The following BRINP2 variants were observed in gnomAD, a reference collection of about 807,000 sequenced individuals.
BRINP2 encodes BMP/retinoic acid inducible neural specific 2.
Under a neutral mutation model 69.2 loss-of-function variants are expected in BRINP2, and 21 were observed. The observed-to-expected ratio is 0.30, with a 90% CI of 0.22 to 0.44. The LOEUF (loss-of-function observed/expected upper bound fraction) is 0.44. BRINP2 is among the 20% of genes least tolerant of loss of function. The probability of loss-of-function intolerance (pLI) is 1.00; values close to 1 mark genes in which losing one functional copy is unlikely to be tolerated. For missense variants in BRINP2, 877 were observed against 986.0 expected, an observed-to-expected ratio of 0.89 and a Z score of 1.48; for synonymous variants, 380 against 394.1, an observed-to-expected ratio of 0.96 and a Z score of 0.42.
chr1:177,256,714 C>T (rs1405489596), intron 3 of BRINP2: 2 of 1,076,526 alleles, frequency 1.9e-6, no homozygotes, highest in African/African-American at 1.6e-5. Context: ...ACTGTCCAAT[C>T]GACTAAAACA....
intron 3 of BRINP2, 129 bp downstream of exon 3, chr1:177,256,238 T>C (rs540245244): frequency 7.0e-7 from 1 of 1,420,086 alleles, no homozygotes; most frequent in Non-Finnish European, 9.3e-7. Flanking sequence ...GTCTTTCTGG[T>C]GCATTTGAAA....
intron 1 of BRINP2, among the ~76,000 whole-genome samples, chr1:177,190,261 G>A (rs142621125): frequency 2.0e-5 from 3 of 152,152 alleles, no homozygotes; most frequent in Admixed American, 1.3e-4. Context: ...TGCTCCTCTT[G>A]TTTCTGAACC....
At chr1:177,193,848 G>C (rs1187268845) in intron 1 of BRINP2, among the ~76,000 whole-genome samples, 1 of 152,172 alleles carries the variant, frequency 6.6e-6, no homozygotes, top group Non-Finnish European at 1.5e-5. Flanking sequence ...GTTAGGAGGA[G>C]ACCCAGCTAT....
At chr1:177,207,070 G>A (rs1450097120) in intron 1 of BRINP2, among the ~76,000 whole-genome samples, 1 of 152,100 alleles carries the variant, frequency 6.6e-6, no homozygotes, top group Non-Finnish European at 1.5e-5. Flanking sequence ...TGCAACACTA[G>A]CACATCAGGC....
At chr1:177,194,802 T>G (rs1313849301) in intron 1 of BRINP2, among the ~76,000 whole-genome samples, 1 of 152,144 alleles carries the variant, frequency 6.6e-6, no homozygotes, top group Non-Finnish European at 1.5e-5. Context: ...CACATGAGTG[T>G]GAAGCATACT....
intron 4 of BRINP2, among the ~76,000 whole-genome samples, chr1:177,272,338 T>G (rs1651352980): frequency 6.6e-6 from 1 of 152,226 alleles, no homozygotes; most frequent in Non-Finnish European, 1.5e-5. Flanking sequence ...GAGGATGCAG[T>G]ACACAATGTG....
At chr1:177,255,690 G>C (rs558206380) in intron 2 of BRINP2, among the ~76,000 whole-genome samples, 45 of 152,346 alleles carry the variant, frequency 3.0e-4, no homozygotes, top group African/African-American at 9.1e-4. Context: ...GCTGGGAGAG[G>C]CTCTGATGTA....
At chr1:177,198,464 G>T (rs1056228526) in intron 1 of BRINP2, among the ~76,000 whole-genome samples, 3 of 152,196 alleles carry the variant, frequency 2.0e-5, no homozygotes, top group East Asian at 1.9e-4. Context: ...CTGGAGGTCA[G>T]ATGTGAGACC....
At position 177,256,259 on chromosome 1, in the gene BRINP2, C is replaced by T. The variant is rs1303406471; in HGVS notation, c.460+150C>T. On this transcript the variant is annotated intron_variant, in intron 3 of 7. Transcript: ENST00000361539. ...CTGGTGCATTTGAAAACAGTGCAGT[C>T]TCTTGACATCTCAATTTACCCCAGA... 2.1e-6 allele frequency: 3 copies of T among 1,412,304 alleles called. No individual in the cohort carries two copies. In the African/African-American group the frequency reaches 4.4e-5, roughly 20 times the overall value. The allele number at this position is 1,412,304 out of a possible 1,614,324, so 87.5% of individuals were successfully genotyped here. A position where few individuals can be genotyped will look rare whatever the true frequency, so the allele number is the denominator to read the frequency against.
chr1:177,182,618 C>G (rs1199336165), intron 1 of BRINP2, among the ~76,000 whole-genome samples: 1 of 152,148 alleles, frequency 6.6e-6, no homozygotes, highest in Admixed American at 6.5e-5. Flanking sequence ...GAAAAGAAAC[C>G]TGGTGCCGCA....
rs546926308 is a variant in BRINP2, at chr1:177,239,292, C to T, written c.269+9147C>T. ...CGGGGAACCCTGAGTGGGAGGAAGC[C>T]ACAGATGGATCTTCCTGAAACAATG... On this transcript the variant is annotated intron_variant, in intron 2 of 7. Transcript: ENST00000361539. 2.0e-5 allele frequency among the ~76,000 whole-genome samples: 3 copies of T among 152,316 alleles called. No individual in the cohort carries two copies. The South Asian group carries it at 6.2e-4, about 32-fold the overall frequency.
chr1:177,193,332 G>A (rs1648645810), intron 1 of BRINP2, among the ~76,000 whole-genome samples: 1 of 152,170 alleles, frequency 6.6e-6, no homozygotes, highest in Non-Finnish European at 1.5e-5. Context: ...TTGAGCAATT[G>A]CAAGCTATTT....
intron 2 of BRINP2, among the ~76,000 whole-genome samples, chr1:177,244,383 T>C (rs2102335940): frequency 6.6e-6 from 1 of 152,330 alleles, no homozygotes; most frequent in Non-Finnish European, 1.5e-5. Context: ...AGCTTAGCTA[T>C]AAAATAGGAC....
At chr1:177,213,110 T>C (rs999390975) in intron 1 of BRINP2, among the ~76,000 whole-genome samples, 1 of 152,312 alleles carries the variant, frequency 6.6e-6, no homozygotes, top group Non-Finnish European at 1.5e-5. Context: ...ATTTGTTCCA[T>C]GATGTGTGTT....
chr1:177,250,317 CTTTG>C lies in BRINP2; in HGVS notation c.270-5577_270-5574del, dbSNP rs3041985. 6.8e-3 allele frequency among the ~76,000 whole-genome samples: 1,027 copies of C among 150,780 alleles called. 15 individuals carry two copies. Among genetic ancestry groups the C allele is most frequent in the African/African-American group, 0.023 (934 of 41,126 alleles). On this transcript the variant is annotated intron_variant, in intron 2 of 7. Transcript: ENST00000361539. Reference sequence around the variant, plus strand: ...GCAAATGTAGCCACTTGTGTGCATTCTTTGTTTGTTTGTTTGTTTGTTTGTTTGA... The same window carrying C: ...GCAAATGTAGCCACTTGTGTGCATTCTTTGTTTGTTTGTTTGTTTGTTTGA...
chr1:177,249,519 C>CT (rs1650514598), intron 2 of BRINP2, among the ~76,000 whole-genome samples: 1 of 152,142 alleles, frequency 6.6e-6, no homozygotes. Flanking sequence ...CTTTCTCAGA[C>CT]TGTTTACTGT....
Position 177,280,604 on chromosome 1 carries a change from C to G in BRINP2, c.1428C>G (p.Arg476=), listed in dbSNP as rs1314625386. 2 of 1,614,148 alleles carry G rather than the reference C, an allele frequency of 1.2e-6. No individual in the cohort carries two copies. Among genetic ancestry groups the G allele is most frequent in the Non-Finnish European group, 1.7e-6 (2 of 1,180,008 alleles). The change falls in exon 8 of 8, where the codon CGC becomes CGG. Residue 476 remains arginine, a synonymous_variant. Transcript: ENST00000361539. ...CAHCAPDNST[R]CGSCNPGYVL... ...ACTGTGCTCCAGACAATAGCACACG[C>G]TGTGGGAGCTGCAACCCGGGCTATG...
chr1:177,199,052 A>G (rs1648826734), intron 1 of BRINP2, among the ~76,000 whole-genome samples: 1 of 152,200 alleles, frequency 6.6e-6, no homozygotes, highest in Non-Finnish European at 1.5e-5. Context: ...TAGGTAAGGA[A>G]AAAAAGCCAC....
intron 1 of BRINP2, among the ~76,000 whole-genome samples, chr1:177,208,095 C>T (rs570956892): frequency 6.6e-6 from 1 of 152,294 alleles, no homozygotes; most frequent in South Asian, 2.1e-4. Context: ...CTCCTAATTT[C>T]CTCATCCATA....
Sources: allele counts gnomAD v4.1 joint callset (sites outside exome capture counted in the v4.1 genomes callset), GRCh38; gene constraint gnomAD v4.1.1; transcripts MANE v1.5; gene names NCBI Gene and HGNC (gene_info 2026-07-23, HGNC 2026-07-21).